SLC13A3: variants seen among roughly 807,000 people sequenced by gnomAD.
SLC13A3 encodes the protein Na(+)/dicarboxylate cotransporter 3.
SLC13A3 carries 40 observed loss-of-function variants against 59.0 expected under a neutral mutation model. That is an observed-to-expected ratio of 0.68 (90% CI 0.53 to 0.88). The LOEUF is 0.88. SLC13A3 is among the 40% of genes least tolerant of loss of function. The probability of loss-of-function intolerance (pLI) is 0.00; values close to 1 mark genes in which losing one functional copy is unlikely to be tolerated. For synonymous variants in SLC13A3, 317 were observed against 330.3 expected, an observed-to-expected ratio of 0.96 and a Z score of 0.44; for missense variants, 699 against 783.2, an observed-to-expected ratio of 0.89 and a Z score of 1.28.
chr20:46,636,329 G>A (rs969354347), intron 1 of SLC13A3, among the ~76,000 whole-genome samples: 5 of 152,156 alleles, frequency 3.3e-5, no homozygotes, highest in East Asian at 3.9e-4. Context: ...GTGACTGTCC[G>A]GTTCACTGTG....
At position 46,575,649 on chromosome 20, in the gene SLC13A3, T is replaced by C. The variant is rs201798238; in HGVS notation, c.1256A>G (p.Lys419Arg). 11 of 1,603,706 alleles carry C rather than the reference T, an allele frequency of 6.9e-6. No individual in the cohort carries two copies. In the African/African-American group the frequency reaches 8.0e-5, roughly 12 times the overall value. Reference protein sequence around the residue: ...NTETEPLLTWKKAQETVPWNI... With the variant: ...NTETEPLLTWRKAQETVPWNI... ...CCAGGGCACTGTCTCCTGGGCCTTC[T>C]TCCAGGTCAGCAAGGGCTCTGTCTC... The change falls in exon 10 of 13, where the codon AAG (lysine) becomes AGG (arginine). Residue 419 changes from lysine to arginine, a missense_variant. Lys to Arg is a conservative substitution (Grantham distance 26, BLOSUM62 2). Transcript: ENST00000279027.
At position 46,632,853 on chromosome 20, in the gene SLC13A3, TTCTC is replaced by T. The variant is rs577424927; in HGVS notation, c.111+18454_111+18457del. ...TCTCTCCCTTCCTTCCTCTCTCCTT[TTCTC>T]TCTTTCAATAGATAGATAGATAGAT... On this transcript the variant is annotated intron_variant, in intron 1 of 12. Transcript: ENST00000279027. 4.8e-3 allele frequency among the ~76,000 whole-genome samples: 693 copies of T among 144,310 alleles called. 6 individuals carry two copies. The highest frequency in any genetic ancestry group is 0.017 in the African/African-American group (656 of 39,364). 94.7% of individuals were successfully genotyped at this position (144,310 alleles called of 152,430 possible). A position where few individuals can be genotyped will look rare whatever the true frequency, so the allele number is the denominator to read the frequency against.
chr20:46,609,592 G>A lies in SLC13A3; in HGVS notation c.541+854C>T, dbSNP rs188562641. On this transcript the variant is annotated intron_variant, in intron 3 of 12. Transcript: ENST00000279027. The stretch of plus-strand genomic sequence containing the variant: ...TACATTGCTTACAAAATCTTTTGTC[G>A]TTCATGTGTATTTTCAGCTTACATA... Among the ~76,000 whole-genome samples, 345 of 151,966 alleles carry A rather than the reference G, an allele frequency of 2.3e-3. 1 individual carries two copies. The highest frequency in any genetic ancestry group is 3.5e-3 in the Non-Finnish European group (239 of 67,986).
chr20:46,566,206 C>G (rs2061978614), intron 11 of SLC13A3, 23 bp downstream of exon 11: 15 of 1,605,042 alleles, frequency 9.3e-6, no homozygotes, highest in Non-Finnish European at 1.3e-5. Flanking sequence ...GGGTGCTCCC[C>G]TCTTCCCCAG....
rs997249565 is a variant in SLC13A3, at chr20:46,597,370, T to C, written c.609-1028A>G. Among the ~76,000 whole-genome samples the C allele has an allele frequency of 4.6e-5, 7 of 152,096 alleles. No homozygotes were observed. In the East Asian group the frequency reaches 1.2e-3, roughly 25 times the overall value. On this transcript the variant is annotated intron_variant, in intron 4 of 12. Transcript: ENST00000279027. ...AAACAGACTGAAATGAAGAAAAAAA[T>C]GTGAAATAGCAGGTTACAAAACAGC...
rs751871950 is a variant in SLC13A3 at position 46,558,891 on chromosome 20, A to T, written c.*1131T>A. 1.3e-5 allele frequency: 2 copies of T among 151,838 alleles called. No individual in the cohort carries two copies. Among genetic ancestry groups the T allele is most frequent in the Non-Finnish European group, 2.9e-5 (2 of 68,028 alleles). The allele number at this position is 151,838 out of a possible 1,614,324, so 9.4% of individuals were successfully genotyped here. On this transcript the variant is annotated 3_prime_UTR_variant, in exon 13 of 13. Coordinates refer to ENST00000279027, the MANE Select transcript of SLC13A3 (RefSeq NM_022829.6). ...CCTGAGCTCTTCACTGGGATGCCAG[A>T]ATGCTTCTGCTTGGAACAAAGAGGG...
Position 46,560,529 on chromosome 20 carries a change from G to A in SLC13A3, c.1633-331C>T, listed in dbSNP as rs191780258. Among the ~76,000 whole-genome samples, 78 of 152,274 alleles carry A rather than the reference G, an allele frequency of 5.1e-4. 1 individual carries two copies. The highest frequency in any genetic ancestry group is 4.4e-3 in the Admixed American group (68 of 15,306). On this transcript the variant is annotated intron_variant, in intron 12 of 12. Coordinates refer to ENST00000279027, the MANE Select transcript of SLC13A3 (RefSeq NM_022829.6). ...TCTTATTAATCCCCATTTTATAGAAGAGAAAAATGAGACCTAGAGAAGTTG... is the reference window on the plus strand; with the variant it reads ...TCTTATTAATCCCCATTTTATAGAAAAGAAAAATGAGACCTAGAGAAGTTG...
intron 10 of SLC13A3, among the ~76,000 whole-genome samples, chr20:46,573,054 C>A (rs1351121156): frequency 6.6e-6 from 1 of 152,326 alleles, no homozygotes; most frequent in East Asian, 1.9e-4. Flanking sequence ...CTGTGTCTCA[C>A]GATTCCTAAA....
rs1345880168 is a variant in SLC13A3, at chr20:46,559,234, G to GTCACCCCA, written c.*780_*787dup. On this transcript the variant is annotated 3_prime_UTR_variant, in exon 13 of 13. Coordinates refer to ENST00000279027, the MANE Select transcript of SLC13A3 (RefSeq NM_022829.6). ...AGAGTCCTGGCTGGAGGGGTCATGAGTCACCCCATGGGAGGGCAGGACCCA... is the reference window on the plus strand; with the variant it reads ...AGAGTCCTGGCTGGAGGGGTCATGAGTCACCCCATCACCCCATGGGAGGGCAGGACCCA... 5 of 152,338 alleles carry GTCACCCCA rather than the reference G, an allele frequency of 3.3e-5. No individual in the cohort carries two copies. Among genetic ancestry groups the GTCACCCCA allele is most frequent in the African/African-American group, 1.2e-4 (5 of 41,554 alleles). The allele number at this position is 152,338 out of a possible 1,614,324, so 9.4% of individuals were successfully genotyped here. A position where few individuals can be genotyped will look rare whatever the true frequency, so the allele number is the denominator to read the frequency against.
At chr20:46,604,760 G>A (rs1430276269) in intron 3 of SLC13A3, among the ~76,000 whole-genome samples, 1 of 152,184 alleles carries the variant, frequency 6.6e-6, no homozygotes, top group East Asian at 1.9e-4. Context: ...ACGAGTGCTG[G>A]GAACAGGTCC....
At chr20:46,608,634 G>A (rs2062460431) in intron 3 of SLC13A3, 1 of 357,740 alleles carries the variant, frequency 2.8e-6, no homozygotes, top group Non-Finnish European at 5.0e-6. Flanking sequence ...AAATAAGCAG[G>A]ACCCCTTAGT....
At chr20:46,574,282 G>A (rs1326875430) in intron 10 of SLC13A3, among the ~76,000 whole-genome samples, 2 of 152,142 alleles carry the variant, frequency 1.3e-5, no homozygotes, top group South Asian at 4.1e-4. Context: ...GCTCCCAAGC[G>A]GAATGCAATT....
chr20:46,610,661 T>C, intron 2 of SLC13A3, 52 bp from the exon 3 acceptor site: 5 of 1,406,302 alleles, frequency 3.6e-6, no homozygotes, highest in African/African-American at 1.4e-5. Flanking sequence ...GCCCAGGAGA[T>C]CCTCTGGTCC....
intron 3 of SLC13A3, among the ~76,000 whole-genome samples, chr20:46,601,451 A>G (rs2062379723): frequency 6.6e-6 from 1 of 152,028 alleles, no homozygotes; most frequent in Admixed American, 6.5e-5. Flanking sequence ...GGGCACATGA[A>G]CCCTAGCCAA....
chr20:46,653,130 G>T (rs919848369), upstream of SLC13A3, among the ~76,000 whole-genome samples: 34 of 152,238 alleles, frequency 2.2e-4, no homozygotes, highest in African/African-American at 8.2e-4. Flanking sequence ...AGTTTTGAAA[G>T]TTCTTTGCAA....
chr20:46,642,876 G>A (rs1159304413), intron 1 of SLC13A3, among the ~76,000 whole-genome samples: 1 of 151,796 alleles, frequency 6.6e-6, no homozygotes, highest in Admixed American at 6.6e-5. Context: ...CTGGAAGTCA[G>A]CCTGAGAACC....
At chr20:46,560,755 C>T (rs2061923792) in intron 12 of SLC13A3, among the ~76,000 whole-genome samples, 1 of 152,164 alleles carries the variant, frequency 6.6e-6, no homozygotes, top group African/African-American at 2.4e-5. Flanking sequence ...CATTGGGAAG[C>T]ATTTTTCTTC....
Position 46,572,743 on chromosome 20 carries a change from C to A in SLC13A3, c.1332+2830G>T, listed in dbSNP as rs137859038. On this transcript the variant is annotated intron_variant, in intron 10 of 12. Transcript: ENST00000279027. ...TCACTTAATGATCATGGCAACTTTA[C>A]CAGGTGGGTGCCGTTGTGATTCCAA... 2.9e-3 allele frequency among the ~76,000 whole-genome samples: 439 copies of A among 152,264 alleles called. 1 individual carries two copies. Among genetic ancestry groups the A allele is most frequent in the African/African-American group, 0.01 (416 of 41,554 alleles).
intron 1 of SLC13A3, among the ~76,000 whole-genome samples, chr20:46,629,559 G>A (rs188127639): frequency 1.4e-4 from 21 of 152,048 alleles, no homozygotes; most frequent in African/African-American, 4.1e-4. Context: ...CATACTAATT[G>A]TTTTTCATCC....
Sources: allele counts gnomAD v4.1 joint callset (sites outside exome capture counted in the v4.1 genomes callset), GRCh38; gene constraint gnomAD v4.1.1; transcripts MANE v1.5; gene names NCBI Gene and HGNC (gene_info 2026-07-23, HGNC 2026-07-21).